Variants in STX8 observed in about 807,000 individuals in gnomAD.
STX8 encodes syntaxin 8.
Under a neutral mutation model 37.5 loss-of-function variants are expected in STX8, and 23 were observed. The observed-to-expected ratio is 0.61, with a 90% CI of 0.44 to 0.87. The LOEUF is 0.87. Among genes scored for constraint, STX8 ranks in the 40% least tolerant of loss-of-function variants. The pLI is 0.00. For missense variants in STX8, 313 were observed against 284.7 expected, an observed-to-expected ratio of 1.10 and a Z score of -0.71; for synonymous variants, 115 against 99.1, an observed-to-expected ratio of 1.16 and a Z score of -0.95.
chr17:9,329,620 C>T (rs1327565876), intron 7 of STX8, among the ~76,000 whole-genome samples: 1 of 152,218 alleles, frequency 6.6e-6, no homozygotes, highest in African/African-American at 2.4e-5. Flanking sequence ...GGCAGAAAAG[C>T]TTCGGTGCCA....
intron 7 of STX8, among the ~76,000 whole-genome samples, chr17:9,275,163 G>A (rs920911532): frequency 3.1e-4 from 47 of 152,196 alleles, no homozygotes; most frequent in African/African-American, 9.9e-4. Context: ...TTCTGATGAC[G>A]CAACCATCCT....
chr17:9,284,635 G>C (rs1429011620), intron 7 of STX8, among the ~76,000 whole-genome samples: 1 of 151,996 alleles, frequency 6.6e-6, no homozygotes, highest in East Asian at 1.9e-4. Flanking sequence ...TCTTGTTTTT[G>C]AAAAGTCAAG....
intron 4 of STX8, among the ~76,000 whole-genome samples, chr17:9,544,896 G>A (rs1906438526): frequency 6.6e-6 from 1 of 152,156 alleles, no homozygotes; most frequent in Non-Finnish European, 1.5e-5. Flanking sequence ...TTGGGAGGCT[G>A]AGGCAGTAGA....
At chr17:9,378,681 T>C (rs1911687331) in intron 6 of STX8, 28 bp from the exon 7 acceptor site, 1 of 1,536,930 alleles carries the variant, frequency 6.5e-7, no homozygotes, top group East Asian at 2.2e-5. Context: ...ATGATTACTA[T>C]TCCTGAAATA....
intron 6 of STX8, among the ~76,000 whole-genome samples, chr17:9,470,175 AC>A (rs1403457563): frequency 6.6e-6 from 1 of 152,166 alleles, no homozygotes; most frequent in Non-Finnish European, 1.5e-5. Flanking sequence ...CAAAGATTTC[AC>A]CCTCCTGGCA....
chr17:9,298,519 C>CA (rs1257961286), intron 7 of STX8, among the ~76,000 whole-genome samples: 1 of 151,870 alleles, frequency 6.6e-6, no homozygotes, highest in Non-Finnish European at 1.5e-5. Context: ...CTTTAAAAAC[C>CA]AAAAAAACCG....
At chr17:9,477,442 T>C (rs1029190222) in intron 6 of STX8, among the ~76,000 whole-genome samples, 8 of 152,282 alleles carry the variant, frequency 5.3e-5, no homozygotes, top group Admixed American at 3.9e-4. Flanking sequence ...AAGTTCTAAC[T>C]AGTGCCATTC....
At chr17:9,292,536 A>G (rs1908350172) in intron 7 of STX8, among the ~76,000 whole-genome samples, 1 of 152,252 alleles carries the variant, frequency 6.6e-6, no homozygotes, top group Non-Finnish European at 1.5e-5. Flanking sequence ...CAAAATAAAG[A>G]GGAGGCACTC....
chr17:9,382,121 G>A (rs889649085), intron 6 of STX8, among the ~76,000 whole-genome samples: 1 of 151,170 alleles, frequency 6.6e-6, no homozygotes, highest in Admixed American at 6.6e-5. Flanking sequence ...TACATGTATC[G>A]AACAACTCAG....
At chr17:9,491,734 T>A in intron 6 of STX8, 95 bp downstream of exon 6, 1 of 1,071,854 alleles carries the variant, frequency 9.3e-7, no homozygotes, top group Non-Finnish European at 1.4e-6. Context: ...TAAACCACTT[T>A]ACATGTTGTA....
chr17:9,494,006 TTG>T (rs1491449521), intron 5 of STX8, among the ~76,000 whole-genome samples: 111 of 60,690 alleles, frequency 1.8e-3, no homozygotes, highest in African/African-American at 2.8e-3. Flanking sequence ...TTTTTTTGTT[TTG>T]TTTTTTTGTT....
chr17:9,486,854 AACCACAACT>A (rs1267381636), intron 6 of STX8, among the ~76,000 whole-genome samples: 3 of 152,094 alleles, frequency 2.0e-5, no homozygotes, highest in African/African-American at 7.2e-5. Context: ...GTGAGACCAG[AACCACAACT>A]CTGGGTTCTG....
intron 6 of STX8, among the ~76,000 whole-genome samples, chr17:9,479,438 G>A (rs1046685480): frequency 2.0e-5 from 3 of 151,740 alleles, no homozygotes; most frequent in African/African-American, 7.3e-5. Flanking sequence ...GGAGTCTGAG[G>A]TAGGAGAATC....
intron 6 of STX8, among the ~76,000 whole-genome samples, chr17:9,484,168 C>A (rs923290573): frequency 7.9e-5 from 12 of 152,044 alleles, no homozygotes; most frequent in African/African-American, 2.4e-4. Flanking sequence ...TAACAAATAT[C>A]ATCAGTCACT....
intron 6 of STX8, among the ~76,000 whole-genome samples, chr17:9,382,722 C>T (rs950974563): frequency 6.6e-6 from 1 of 152,092 alleles, no homozygotes; most frequent in Admixed American, 6.5e-5. Flanking sequence ...TATTATTAGA[C>T]ATAAAAAGGA....
intron 6 of STX8, among the ~76,000 whole-genome samples, chr17:9,481,621 G>A (rs1298988097): frequency 6.6e-6 from 1 of 152,140 alleles, no homozygotes; most frequent in Non-Finnish European, 1.5e-5. Context: ...CATCATACTA[G>A]GATGGAACCA....
intron 4 of STX8, among the ~76,000 whole-genome samples, chr17:9,537,927 A>G (rs1906125065): frequency 6.6e-6 from 1 of 152,070 alleles, no homozygotes; most frequent in African/African-American, 2.4e-5. Context: ...CTCTCCCTGG[A>G]CTGTACATGG....
chr17:9,456,520 T>C (rs1046816541), intron 6 of STX8, among the ~76,000 whole-genome samples: 1 of 152,214 alleles, frequency 6.6e-6, no homozygotes, highest in African/African-American at 2.4e-5. Flanking sequence ...ACCAGGGCTG[T>C]TCCCACTCTG....
intron 4 of STX8, among the ~76,000 whole-genome samples, chr17:9,532,224 G>T (rs569435563): frequency 1.3e-5 from 2 of 151,864 alleles, no homozygotes; most frequent in East Asian, 3.9e-4. Flanking sequence ...AATCAGTCTT[G>T]TGAGAACATA....
Sources: allele counts gnomAD v4.1 joint callset (sites outside exome capture counted in the v4.1 genomes callset), GRCh38; gene constraint gnomAD v4.1.1; transcripts MANE v1.5; gene names NCBI Gene and HGNC (gene_info 2026-07-23, HGNC 2026-07-21).